EGFL7: variants seen among roughly 807,000 people sequenced by gnomAD.
EGFL7 encodes EGF like domain multiple 7.
A neutral mutation model predicts 37.1 loss-of-function variants in EGFL7; 48 were observed. The ratio of observed to expected loss-of-function variants is 1.29; its 90% confidence interval spans 1.03 to 1.65. The LOEUF is 1.65. Among genes scored for constraint, EGFL7 ranks in the 40% most tolerant of loss-of-function variants. The pLI is 0.00. For synonymous variants in EGFL7, 180 were observed against 156.8 expected (o/e 1.15, Z -1.10); for missense variants, 384 against 378.9 (o/e 1.01, Z -0.11).
intron 5 of EGFL7, among the ~76,000 whole-genome samples, chr9:136,668,975 G>C (rs1845662310): frequency 6.6e-6 from 1 of 152,104 alleles, no homozygotes; most frequent in Non-Finnish European, 1.5e-5. Flanking sequence ...ACTTCCGGGG[G>C]ACTAACCCCT....
At chr9:136,672,157 G>T (rs772607621) in intron 10 of EGFL7, 69 bp downstream of exon 10, 4 of 1,586,886 alleles carry the variant, frequency 2.5e-6, no homozygotes, top group Non-Finnish European at 3.4e-6. Flanking sequence ...GGGCTACCCA[G>T]GCTTGGGGGT....
chr9:136,667,970 G>A lies in EGFL7; in HGVS notation c.-42-271G>A, dbSNP rs145166123. On this transcript the variant is annotated intron_variant, in intron 3 of 10. Transcript: ENST00000308874. ...CGGAGCCTCGGGCAGATGCCCAGCA[G>A]GATCCACTCGATTCCTGCACCAAGA... Among the ~76,000 whole-genome samples the A allele has an allele frequency of 3.0e-3, 455 of 152,314 alleles. 2 individuals are homozygous for A. The highest frequency in any genetic ancestry group is 0.01 in the African/African-American group (422 of 41,572).
upstream of EGFL7, among the ~76,000 whole-genome samples, chr9:136,661,142 C>T (rs1845120664): frequency 2.6e-5 from 4 of 152,164 alleles, no homozygotes; most frequent in Admixed American, 2.6e-4. Flanking sequence ...CCGCTGGGGG[C>T]CTTCCCGGTG....
At chr9:136,665,728 G>T (rs1845420608) in intron 3 of EGFL7, 1 of 144,322 alleles carries the variant, frequency 6.9e-6, no homozygotes, top group African/African-American at 2.5e-5. Flanking sequence ...GTGGGGCGGG[G>T]CCGGGGGCGG....
At chr9:136,662,499 T>C (rs982731098), upstream of EGFL7, among the ~76,000 whole-genome samples, 14 of 151,426 alleles carry the variant, frequency 9.2e-5, no homozygotes, top group Admixed American at 1.3e-4. Context: ...CCGTGCTGTG[T>C]CACACACATC....
At chr9:136,665,423 G>C (rs781484013) in intron 3 of EGFL7, among the ~76,000 whole-genome samples, 4 of 152,228 alleles carry the variant, frequency 2.6e-5, no homozygotes, top group Admixed American at 1.3e-4. Context: ...AGCCTGGGGG[G>C]CTTGAAAGCT....
Position 136,671,785 on chromosome 9 carries a change from C to G in EGFL7, c.637-141C>G, listed in dbSNP as rs1845922540. On this transcript the variant is annotated intron_variant, in intron 9 of 10. Coordinates refer to ENST00000308874, the MANE Select transcript of EGFL7 (RefSeq NM_016215.5). ...GGCAAGCTTTTCTGCCACGGCAGCC[C>G]CCTCTAGTGGACACTTGGAGCCCTG... The G allele has an allele frequency of 3.5e-6, 4 of 1,150,470 alleles. No individual in the cohort carries two copies. In the South Asian group the frequency reaches 7.4e-5, roughly 21 times the overall value. The allele number at this position is 1,150,470 out of a possible 1,614,324, so 71.3% of individuals were successfully genotyped here.
chr9:136,661,334 G>A (rs1371023913), upstream of EGFL7, among the ~76,000 whole-genome samples: 4 of 152,176 alleles, frequency 2.6e-5, no homozygotes, highest in African/African-American at 9.7e-5. Flanking sequence ...GGCAGGATGA[G>A]CCCCTGGGTG....
chr9:136,671,937 G>A lies in EGFL7; in HGVS notation c.648G>A (p.Leu216=). The change falls in exon 10 of 11, where the codon CTG becomes CTA. Residue 216 remains leucine, a synonymous_variant. Coordinates refer to ENST00000308874, the MANE Select transcript of EGFL7 (RefSeq NM_016215.5). The stretch of plus-strand genomic sequence containing the variant: ...TTCTGCACCCACAGAAGCTGCAGCT[G>A]GTGCTGGCCCCACTGCACAGCCTGG... ...RVDLLEEKLQ[L]VLAPLHSLAS... is the part of the protein sequence containing the mutation. 2 of 1,511,632 alleles carry A rather than the reference G, an allele frequency of 1.3e-6. No individual in the cohort carries two copies. The highest frequency in any genetic ancestry group is 1.8e-6 in the Non-Finnish European group (2 of 1,132,776). The allele number at this position is 1,511,632 out of a possible 1,614,324, so 93.6% of individuals were successfully genotyped here.
intron 8 of EGFL7, chr9:136,670,599 C>T (rs767698409): frequency 1.5e-5 from 12 of 775,974 alleles, no homozygotes; most frequent in Non-Finnish European, 4.8e-6. Context: ...GACGCCACGC[C>T]TCCGCTGGCG....
chr9:136,664,361 G>A (rs1845330357), intron 2 of EGFL7, among the ~76,000 whole-genome samples: 1 of 152,186 alleles, frequency 6.6e-6, no homozygotes, highest in Non-Finnish European at 1.5e-5. Context: ...GGCCCTCTCG[G>A]ACCCATCTGC....
rs749981670 is a variant in EGFL7, at chr9:136,669,906, G to A, written c.314-8G>A. The A allele has an allele frequency of 1.5e-5, 24 of 1,577,520 alleles. No homozygotes were observed. The highest frequency in any genetic ancestry group is 8.1e-5 in the South Asian group (7 of 86,826). ...ACTGAGCTGGTGACCAGCCTCCCCC[G>A]CCCACAGCAATATGCCAGCCGCCAT... On this transcript the variant is annotated splice_polypyrimidine_tract_variant and splice_region_variant and intron_variant, in intron 6 of 10. Transcript: ENST00000308874.
At chr9:136,668,405 G>C (rs546221395) in intron 4 of EGFL7, 43 bp downstream of exon 4, 1 of 1,537,812 alleles carries the variant, frequency 6.5e-7, no homozygotes, top group Middle Eastern at 1.8e-4. Flanking sequence ...TGGGGGGACC[G>C]GGAGCCCTCA....
At chr9:136,659,235 C>G (rs1354695107), upstream of EGFL7, 1 of 152,304 alleles carries the variant, frequency 6.6e-6, no homozygotes, top group Non-Finnish European at 1.5e-5. Flanking sequence ...CTCCTCTGCC[C>G]GCAGGCACCC....
chr9:136,669,727 G>A lies in EGFL7; in HGVS notation c.313+6G>A, dbSNP rs755801648. 3.2e-6 allele frequency: 5 copies of A among 1,575,860 alleles called. No individual in the cohort carries two copies. In the East Asian group the frequency reaches 9.2e-5, roughly 29 times the overall value. On this transcript the variant is annotated splice_donor_region_variant and intron_variant, in intron 6 of 10. Transcript: ENST00000308874. ...TCCTGGGGCCTGTGGAGCAGGTGAG[G>A]GCTATGTCCCTCGGCGCCCGGTGTT... is the stretch of plus-strand genomic sequence containing the variant.
At chr9:136,660,646 G>C (rs1845088309), upstream of EGFL7, among the ~76,000 whole-genome samples, 1 of 152,160 alleles carries the variant, frequency 6.6e-6, no homozygotes, top group South Asian at 2.1e-4. Flanking sequence ...CACCGGGAAG[G>C]CCCCCAGCGG....
Position 136,668,577 on chromosome 9 carries a change from G to A in EGFL7, c.101G>A (p.Arg34Gln), listed in dbSNP as rs950942092. Reference protein sequence around the residue: ...YRPGRRVCAVRAHGDPVSESF... With the variant: ...YRPGRRVCAVQAHGDPVSESF... ...CGCAGCCGTAGGGTGTGTGCTGTCC[G>A]GGCTCACGGGGACCCTGTCTCCGAG... is the stretch of plus-strand genomic sequence containing the variant. The change falls in exon 5 of 11, where the codon CGG becomes CAG. Residue 34 changes from arginine (R) to glutamine (Q), a missense_variant. Physicochemically the swap from Arg to Gln is conservative, Grantham distance 43 (BLOSUM62 1). Coordinates refer to ENST00000308874, the MANE Select transcript of EGFL7 (RefSeq NM_016215.5). 9.3e-6 allele frequency: 15 copies of A among 1,608,960 alleles called. No individual in the cohort carries two copies. The highest frequency in any genetic ancestry group is 2.7e-5 in the African/African-American group (2 of 74,880).
chr9:136,672,282 C>G lies in EGFL7; in HGVS notation c.818C>G (p.Ser273Trp), dbSNP rs144969763. ...QLGSCSCKKDS is the reference protein window; with the variant it reads ...QLGSCSCKKDW ...ACCCTAGGCTCCTGCAAGAAAGACT[C>G]GTGACTGCCCAGCGCCCCAGGCTGG... is the stretch of plus-strand genomic sequence containing the variant. The change falls in exon 11 of 11, where the codon TCG becomes TGG. Residue 273 changes from serine (S) to tryptophan (W), a missense_variant. Ser to Trp is a radical substitution (Grantham distance 177). Coordinates refer to ENST00000308874, the MANE Select transcript of EGFL7 (RefSeq NM_016215.5). 1 of 1,613,358 alleles carries G rather than the reference C, an allele frequency of 6.2e-7. No individual in the cohort carries two copies. Among genetic ancestry groups the G allele is most frequent in the Admixed American group, 1.7e-5 (1 of 60,020 alleles).
chr9:136,659,552 TCCGGGAGGC>T (rs563901551), upstream of EGFL7: 1 of 151,682 alleles, frequency 6.6e-6, no homozygotes, highest in South Asian at 2.1e-4. Flanking sequence ...TGGTGAGGGG[TCCGGGAGGC>T]CCGGGAGGGC....
Sources: gnomAD v4.1 joint callset for allele counts (sites outside exome capture counted in the v4.1 genomes callset) on GRCh38, gnomAD v4.1.1 for gene constraint, MANE v1.5 for transcripts, NCBI Gene and HGNC (gene_info 2026-07-23, HGNC 2026-07-21) for gene names.